TUSC3: variants seen among roughly 807,000 people sequenced by gnomAD.
TUSC3 encodes the protein tumor suppressor candidate 3, also known as dolichyl-diphosphooligosaccharide--protein glycosyltransferase subunit TUSC3.
In TUSC3, 45 loss-of-function variants were observed where a neutral mutation model predicts 44.8. The ratio of observed to expected loss-of-function variants is 1.00; its 90% CI spans 0.79 to 1.29. TUSC3 has a LOEUF of 1.29. TUSC3 is among the 50% of genes most tolerant of loss of function. The pLI is 0.00. For missense variants in TUSC3, 519 were observed against 437.9 expected (o/e 1.19, Z -1.65); for synonymous variants, 212 against 152.9 (o/e 1.39, Z -2.85).
chr8:15,788,782 G>C, the TUSC3 span, among the ~76,000 whole-genome samples: 1 of 152,116 alleles, frequency 6.6e-6, no homozygotes, highest in Non-Finnish European at 1.5e-5. Flanking sequence ...ATGGCACTGA[G>C]AGATGCTAAC....
chr8:15,443,409 G>GAGAATCTTTGTCAGTATCTCCCAAGTATC (rs1800047640), intron 1 of TUSC3, among the ~76,000 whole-genome samples: 1 of 151,006 alleles, frequency 6.6e-6, no homozygotes, highest in South Asian at 2.1e-4. Flanking sequence ...ATGTTGCCTA[G>GAGAATCTTTGTCAGTATCTCCCAAGTATC]GGTGGTCTTG....
the TUSC3 span, among the ~76,000 whole-genome samples, chr8:15,842,437 G>T: frequency 6.6e-6 from 1 of 152,128 alleles, no homozygotes; most frequent in Non-Finnish European, 1.5e-5. Flanking sequence ...GCCTTGACAT[G>T]TTTTTCATGT....
chr8:15,503,919 GCA>G (rs1263623184), intron 2 of TUSC3, among the ~76,000 whole-genome samples: 1 of 150,942 alleles, frequency 6.6e-6, no homozygotes, highest in Non-Finnish European at 1.5e-5. Context: ...GGAGGCTGAG[GCA>G]CAAGAATTGC....
chr8:15,674,800 G>A (rs532883274), intron 6 of TUSC3, among the ~76,000 whole-genome samples: 1 of 151,842 alleles, frequency 6.6e-6, no homozygotes, highest in African/African-American at 2.4e-5. Flanking sequence ...TTAAAATCTG[G>A]CATTATTTAG....
chr8:15,658,114 G>A (rs62502095), intron 3 of TUSC3, among the ~76,000 whole-genome samples: 1,743 of 152,142 alleles, frequency 0.011, 11 homozygotes, highest in Middle Eastern at 0.02. Flanking sequence ...GAGTTTTGGC[G>A]GGGACAAACA....
chr8:15,692,625 T>TGTGTGCATAGAG (rs1304411131), intron 6 of TUSC3, among the ~76,000 whole-genome samples: 1 of 151,696 alleles, frequency 6.6e-6, no homozygotes, highest in South Asian at 2.1e-4. Context: ...TTTTCTAGCT[T>TGTGTGCATAGAG]GTGTGCATAG....
intron 1 of TUSC3, among the ~76,000 whole-genome samples, chr8:15,467,248 A>G (rs1193388699): frequency 6.7e-6 from 1 of 149,402 alleles, no homozygotes; most frequent in Non-Finnish European, 1.5e-5. Context: ...ACTGTCATTC[A>G]GTGGTATTAA....
chr8:15,429,234 C>A (rs926812913), intron 1 of TUSC3, among the ~76,000 whole-genome samples: 2 of 152,180 alleles, frequency 1.3e-5, no homozygotes, highest in Admixed American at 1.3e-4. Flanking sequence ...GGAATCCTTT[C>A]CCCATTTCTT....
chr8:15,831,280 A>G, the TUSC3 span, among the ~76,000 whole-genome samples: 1 of 152,230 alleles, frequency 6.6e-6, no homozygotes, highest in African/African-American at 2.4e-5. Flanking sequence ...AAATAGGATA[A>G]AAGAAAAGAA....
At chr8:15,546,096 G>T (rs979193321) in intron 1 of TUSC3, among the ~76,000 whole-genome samples, 1 of 151,812 alleles carries the variant, frequency 6.6e-6, no homozygotes, top group Non-Finnish European at 1.5e-5. Flanking sequence ...ATATAACAGT[G>T]TGTGTATGCA....
intron 1 of TUSC3, among the ~76,000 whole-genome samples, chr8:15,479,054 A>G (rs998730165): frequency 1.3e-5 from 2 of 152,038 alleles, no homozygotes. Flanking sequence ...TTTTGTTCAT[A>G]TGTTTGTTGG....
At chr8:15,418,364 A>T (rs1390060) in intron 1 of TUSC3, among the ~76,000 whole-genome samples, 5,205 of 152,262 alleles carry the variant, frequency 0.034, 294 homozygotes, top group African/African-American at 0.12. Flanking sequence ...TTTTTTTCAA[A>T]CAAAATCATT....
chr8:15,620,521 G>GT (rs1805197494), intron 1 of TUSC3, among the ~76,000 whole-genome samples: 2 of 151,982 alleles, frequency 1.3e-5, no homozygotes, highest in South Asian at 4.2e-4. Flanking sequence ...GAAAAATGAC[G>GT]TATATATATT....
intron 1 of TUSC3, among the ~76,000 whole-genome samples, chr8:15,574,489 C>G (rs1394588705): frequency 2.0e-5 from 3 of 152,162 alleles, no homozygotes; most frequent in Middle Eastern, 3.4e-3. Context: ...TAGGCCCTTT[C>G]CTGTAACTGG....
chr8:15,788,088 T>A, the TUSC3 span, among the ~76,000 whole-genome samples: 9 of 152,158 alleles, frequency 5.9e-5, no homozygotes, highest in Non-Finnish European at 1.3e-4. Context: ...TTCATGGGGA[T>A]GATGAGGGCT....
chr8:15,642,805 A>C (rs907534189), intron 2 of TUSC3, among the ~76,000 whole-genome samples: 2 of 150,696 alleles, frequency 1.3e-5, no homozygotes. Flanking sequence ...ATTTAAGATT[A>C]TAAGTGTTAT....
chr8:15,627,331 G>C (rs1175134003), intron 2 of TUSC3, among the ~76,000 whole-genome samples: 1 of 152,148 alleles, frequency 6.6e-6, no homozygotes, highest in Non-Finnish European at 1.5e-5. Flanking sequence ...AGGACATCCT[G>C]GCTATGGAGA....
At chr8:15,515,241 A>G (rs1801201563) in intron 2 of TUSC3, among the ~76,000 whole-genome samples, 1 of 152,156 alleles carries the variant, frequency 6.6e-6, no homozygotes, top group Admixed American at 6.6e-5. Flanking sequence ...TGTTTTTCCA[A>G]GGACAACTAA....
upstream of TUSC3, among the ~76,000 whole-genome samples, chr8:15,538,026 A>G (rs923966042): frequency 2.6e-5 from 4 of 152,188 alleles, no homozygotes; most frequent in African/African-American, 9.6e-5. Flanking sequence ...GTACGCACAT[A>G]GGAGCTTATC....
Sources: gnomAD v4.1 joint callset for allele counts (sites outside exome capture counted in the v4.1 genomes callset) on GRCh38, gnomAD v4.1.1 for gene constraint, MANE v1.5 for transcripts, NCBI Gene and HGNC (gene_info 2026-07-23, HGNC 2026-07-21) for gene names.